RPH3A: variants seen among roughly 807,000 people sequenced by gnomAD.
The protein encoded by RPH3A is rabphilin 3A.
In RPH3A, 48 loss-of-function variants were observed where a neutral mutation model predicts 102.2. That is an observed-to-expected ratio of 0.47 (90% CI 0.37 to 0.60). RPH3A has a LOEUF of 0.60. RPH3A is among the 20% of genes least tolerant of loss of function. The probability of loss-of-function intolerance (pLI) is 0.00; values close to 1 mark genes in which losing one functional copy is unlikely to be tolerated. For missense variants in RPH3A, 781 were observed against 910.1 expected (o/e 0.86, Z 1.83); for synonymous variants, 310 against 324.3 (o/e 0.96, Z 0.47).
rs1565857130 is a variant in RPH3A, at chr12:112,713,006, TCTTCC to T, written c.-139-79136_-139-79132del. Among the ~76,000 whole-genome samples the T allele has an allele frequency of 1.3e-3, 100 of 75,686 alleles. 5 individuals are homozygous for T. Among genetic ancestry groups the T allele is most frequent in the Non-Finnish European group, 1.9e-3 (72 of 38,656 alleles). 49.7% of individuals were successfully genotyped at this position (75,686 alleles called of 152,430 possible). ...TTCGTCGTCTTTGTCTTCCTCTTCC[TCTTCC>T]TCTTCCTCTTCCTCTTCTTCTTCTT... On this transcript the variant is annotated intron_variant, in intron 1 of 21. Transcript: ENST00000543106.
At chr12:112,776,618 T>C in intron 1 of RPH3A, among the ~76,000 whole-genome samples, 1 of 152,056 alleles carries the variant, frequency 6.6e-6, no homozygotes, top group East Asian at 1.9e-4. Context: ...CTCACGCCTG[T>C]AATCCCAGCA....
chr12:112,671,749 T>C (rs1003444916), intron 1 of RPH3A, among the ~76,000 whole-genome samples: 1 of 151,956 alleles, frequency 6.6e-6, no homozygotes, highest in Non-Finnish European at 1.5e-5. Context: ...CTATTCAGCT[T>C]ACAAATTACA....
intron 1 of RPH3A, among the ~76,000 whole-genome samples, chr12:112,581,561 G>T (rs2039401338): frequency 6.6e-6 from 1 of 152,346 alleles, no homozygotes; most frequent in African/African-American, 2.4e-5. Flanking sequence ...GGGAAAAGAA[G>T]TAGGTAGCTT....
chr12:112,828,265 A>G (rs978494910), intron 2 of RPH3A, 36 bp from the exon 3 acceptor site: 3 of 1,428,366 alleles, frequency 2.1e-6, no homozygotes, highest in Non-Finnish European at 3.0e-6. Flanking sequence ...TGGCTGAATG[A>G]TGGGGTGATG....
chr12:112,695,025 C>G (rs1029289443), intron 1 of RPH3A: 2 of 170,328 alleles, frequency 1.2e-5, no homozygotes, highest in Non-Finnish European at 2.9e-5. Flanking sequence ...ACAGAGTTTT[C>G]AGATAAAATA....
chr12:112,647,126 T>A (rs886278411), intron 1 of RPH3A, among the ~76,000 whole-genome samples: 1 of 152,190 alleles, frequency 6.6e-6, no homozygotes, highest in African/African-American at 2.4e-5. Context: ...AGACCCACAT[T>A]TTATGTTTAA....
intron 13 of RPH3A, among the ~76,000 whole-genome samples, chr12:112,878,355 T>C (rs1217650180): frequency 6.6e-6 from 1 of 152,238 alleles, no homozygotes; most frequent in Non-Finnish European, 1.5e-5. Flanking sequence ...TTATCCCGGC[T>C]GTTTATTACA....
intron 2 of RPH3A, 77 bp from the exon 3 acceptor site, chr12:112,828,224 G>T: frequency 1.0e-6 from 1 of 952,418 alleles, no homozygotes; most frequent in South Asian, 1.4e-5. Flanking sequence ...CTGGGTGTGT[G>T]GCATAAAGCA....
At chr12:112,738,978 A>T (rs575433618) in intron 1 of RPH3A, among the ~76,000 whole-genome samples, 3 of 152,294 alleles carry the variant, frequency 2.0e-5, no homozygotes, top group African/African-American at 7.2e-5. Context: ...GCATGCACGA[A>T]GGAGAAGAGG....
At chr12:112,811,256 T>C (rs1233119339) in intron 2 of RPH3A, among the ~76,000 whole-genome samples, 1 of 152,198 alleles carries the variant, frequency 6.6e-6, no homozygotes, top group Non-Finnish European at 1.5e-5. Context: ...CAATACCTAA[T>C]CTTGTTTTAT....
chr12:112,835,169 C>T (rs558496197), intron 3 of RPH3A, among the ~76,000 whole-genome samples: 1 of 152,308 alleles, frequency 6.6e-6, no homozygotes, highest in South Asian at 2.1e-4. Flanking sequence ...TCCAGTTCTA[C>T]AAGTTTTACA....
intron 18 of RPH3A, among the ~76,000 whole-genome samples, chr12:112,890,525 G>A (rs2043075860): frequency 6.6e-6 from 1 of 152,190 alleles, no homozygotes; most frequent in Non-Finnish European, 1.5e-5. Flanking sequence ...GCAAGAATCT[G>A]TCTGGGGCCA....
At chr12:112,773,586 G>A (rs548970600) in intron 1 of RPH3A, among the ~76,000 whole-genome samples, 5 of 152,022 alleles carry the variant, frequency 3.3e-5, no homozygotes, top group African/African-American at 9.7e-5. Context: ...AATGATTAAA[G>A]CTCTTTGCAG....
chr12:112,593,392 A>T (rs935136542), intron 1 of RPH3A, among the ~76,000 whole-genome samples: 1 of 152,186 alleles, frequency 6.6e-6, no homozygotes, highest in African/African-American at 2.4e-5. Context: ...AGACTCTATG[A>T]GGGAGGAGTA....
At chr12:112,768,182 C>T (rs957031901) in intron 1 of RPH3A, among the ~76,000 whole-genome samples, 10 of 152,142 alleles carry the variant, frequency 6.6e-5, no homozygotes, top group Admixed American at 2.6e-4. Flanking sequence ...TCACGGTAAC[C>T]GCATGATAAA....
At chr12:112,627,373 A>T (rs2039774480) in intron 1 of RPH3A, among the ~76,000 whole-genome samples, 1 of 148,872 alleles carries the variant, frequency 6.7e-6, no homozygotes, top group African/African-American at 2.4e-5. Flanking sequence ...AACATAATAT[A>T]AATTATTATA....
At chr12:112,603,854 G>T (rs76589370) in intron 1 of RPH3A, among the ~76,000 whole-genome samples, 5,797 of 152,184 alleles carry the variant, frequency 0.038, 219 homozygotes, top group African/African-American at 0.092. Flanking sequence ...CTGACAAAGG[G>T]AAAGGGATGT....
intron 2 of RPH3A, among the ~76,000 whole-genome samples, chr12:112,798,784 C>A (rs1225214144): frequency 6.6e-6 from 1 of 151,444 alleles, no homozygotes; most frequent in African/African-American, 2.5e-5. Context: ...ACTTTTCCCA[C>A]CCCTTAAATA....
In RPH3A at chr12:112,608,728, G is replaced by A. The variant is rs143491334; in HGVS notation, c.-140+33409G>A. Among the ~76,000 whole-genome samples, 403 of 152,316 alleles carry A rather than the reference G, an allele frequency of 2.6e-3. 2 individuals are homozygous for A. The highest frequency in any genetic ancestry group is 0.014 in the South Asian group (70 of 4,830). On this transcript the variant is annotated intron_variant, in intron 1 of 21. Coordinates refer to the RPH3A transcript ENST00000543106. ...GTAAGCTGTGATAAAAGGGGAGGCA[G>A]ACACACTATTCTTTTTGTGTTTTGG...
Sources: allele counts gnomAD v4.1 joint callset (sites outside exome capture counted in the v4.1 genomes callset), GRCh38; gene constraint gnomAD v4.1.1; transcripts MANE v1.5; gene names NCBI Gene and HGNC (gene_info 2026-07-23, HGNC 2026-07-21).